Variants in RAP1GDS1 observed in about 807,000 individuals in gnomAD.
The protein encoded by RAP1GDS1 is Rap1 GTPase-GDP dissociation stimulator 1.
In RAP1GDS1, 35 loss-of-function variants were observed where a neutral mutation model predicts 71.1. That is an observed-to-expected ratio of 0.49 (90% CI 0.38 to 0.65). The LOEUF is 0.65. RAP1GDS1 is among the 30% of genes least tolerant of loss of function. The pLI is 0.00. For missense variants in RAP1GDS1, 663 were observed against 706.1 expected (o/e 0.94, Z 0.69); for synonymous variants, 229 against 243.1 (o/e 0.94, Z 0.54).
In RAP1GDS1 at chr4:98,293,453, A is replaced by G; in HGVS notation, c.50A>G (p.Asp17Gly). Residue 17 changes from aspartate (D) to glycine (G), a missense_variant, in exon 2 of 15, where the codon GAC (aspartate) becomes GGC (glycine). By Grantham distance (94) the Asp-to-Gly change is moderately conservative. Transcript: ENST00000408927. ...TLKKLKITAV[D>G]KTEDSLEGCL... The stretch of plus-strand genomic sequence containing the variant: ...AAGAAGCTGAAGATAACAGCTGTTG[A>G]CAAGACTGAGGATAGTTTAGAAGGA... The G allele has an allele frequency of 1.9e-6, 3 of 1,609,906 alleles. No homozygotes were observed. Among genetic ancestry groups the G allele is most frequent in the South Asian group, 1.1e-5 (1 of 89,706 alleles).
At chr4:98,278,533 A>G (rs889810422) in intron 1 of RAP1GDS1, among the ~76,000 whole-genome samples, 1 of 152,216 alleles carries the variant, frequency 6.6e-6, no homozygotes, top group Non-Finnish European at 1.5e-5. Flanking sequence ...GTCACTAATC[A>G]TGGTTAAACT....
At chr4:98,321,261 T>C (rs1731833511) in intron 2 of RAP1GDS1, among the ~76,000 whole-genome samples, 1 of 147,134 alleles carries the variant, frequency 6.8e-6, no homozygotes, top group African/African-American at 2.5e-5. Flanking sequence ...CCAAGAAATA[T>C]GGGACTATGT....
At chr4:98,317,549 G>A (rs1006852528) in intron 2 of RAP1GDS1, among the ~76,000 whole-genome samples, 5 of 152,104 alleles carry the variant, frequency 3.3e-5, no homozygotes, top group African/African-American at 1.2e-4. Context: ...AGTGAAGCAC[G>A]AGAACTAAAT....
intron 2 of RAP1GDS1, 31 bp from the exon 3 acceptor site, chr4:98,343,108 C>A: frequency 1.9e-6 from 3 of 1,566,850 alleles, no homozygotes; most frequent in South Asian, 1.2e-5. Flanking sequence ...TAAAGATTTT[C>A]ACTGAAGCTC....
chr4:98,392,568 G>T (rs138610590), intron 6 of RAP1GDS1, among the ~76,000 whole-genome samples: 18 of 152,272 alleles, frequency 1.2e-4, no homozygotes, highest in African/African-American at 3.6e-4. Context: ...GGGTGTGGTG[G>T]CTAGTGCCAG....
At chr4:98,399,108 A>G (rs894645442) in intron 6 of RAP1GDS1, among the ~76,000 whole-genome samples, 7 of 152,220 alleles carry the variant, frequency 4.6e-5, no homozygotes, top group Non-Finnish European at 8.8e-5. Context: ...GTAAAACCCA[A>G]ACTATAAAAC....
Position 98,343,264 on chromosome 4 carries a change from G to T in RAP1GDS1, c.235+3G>T. On this transcript the variant is annotated splice_donor_region_variant and intron_variant, in intron 3 of 14. Transcript: ENST00000408927. ...CATAGCAGAAGTAGCCAAAAATGGT[G>T]AGGTTTACCTCAAGAACTTTTCTGC... 6.3e-7 allele frequency: 1 copy of T among 1,599,090 alleles called. No homozygotes were observed. The highest frequency in any genetic ancestry group is 1.1e-5 in the South Asian group (1 of 90,734).
intron 6 of RAP1GDS1, among the ~76,000 whole-genome samples, chr4:98,394,433 G>T (rs918621862): frequency 2.6e-5 from 4 of 152,088 alleles, no homozygotes; most frequent in African/African-American, 9.7e-5. Flanking sequence ...GGAGTTACAG[G>T]AGTCTTTTTT....
intron 7 of RAP1GDS1, among the ~76,000 whole-genome samples, chr4:98,406,708 A>G (rs1387082011): frequency 6.6e-6 from 1 of 152,018 alleles, no homozygotes; most frequent in East Asian, 1.9e-4. Flanking sequence ...AGCTCTTTCA[A>G]GTACATATGA....
At chr4:98,387,763 T>G (rs1742984723) in intron 5 of RAP1GDS1, among the ~76,000 whole-genome samples, 1 of 152,174 alleles carries the variant, frequency 6.6e-6, no homozygotes, top group African/African-American at 2.4e-5. Flanking sequence ...CACACATAAG[T>G]GTTTGCTATG....
chr4:98,315,024 T>C (rs543053638), intron 2 of RAP1GDS1, among the ~76,000 whole-genome samples: 21 of 152,336 alleles, frequency 1.4e-4, no homozygotes, highest in African/African-American at 4.6e-4. Context: ...AGAAATGTAG[T>C]GTCTGTAGTT....
In RAP1GDS1 at chr4:98,261,542, G is replaced by T. The variant is rs1044075858; in HGVS notation, c.-24G>T. On this transcript the variant is annotated 5_prime_UTR_variant, in exon 1 of 15. Coordinates refer to ENST00000408927, the MANE Select transcript of RAP1GDS1 (RefSeq NM_001100427.2). ...CCACAGACCTTCGCCTCGCCCCGCC[G>T]GTTCCTCACCCTCGGGGAGCAACAT... The T allele has an allele frequency of 3.8e-6, 6 of 1,597,494 alleles. No individual in the cohort carries two copies. Among genetic ancestry groups the T allele is most frequent in the Admixed American group, 1.7e-5 (1 of 58,262 alleles).
intron 1 of RAP1GDS1, among the ~76,000 whole-genome samples, chr4:98,276,566 GTCTT>G (rs562509959): frequency 6.9e-4 from 102 of 147,510 alleles, no homozygotes; most frequent in Non-Finnish European, 1.3e-3. Flanking sequence ...CTTAAAGTAT[GTCTT>G]TCTTTTTGTC....
chr4:98,312,100 C>T (rs1347438433), intron 2 of RAP1GDS1, among the ~76,000 whole-genome samples: 1 of 152,156 alleles, frequency 6.6e-6, no homozygotes, highest in African/African-American at 2.4e-5. Flanking sequence ...AGTTGGGGAA[C>T]AAGGCTTATG....
intron 5 of RAP1GDS1, among the ~76,000 whole-genome samples, chr4:98,384,925 A>C (rs1159282908): frequency 1.3e-5 from 2 of 151,728 alleles, no homozygotes; most frequent in Admixed American, 6.6e-5. Flanking sequence ...TCATAATACC[A>C]CATAGATGCC....
chr4:98,288,210 T>C (rs1379912867), intron 1 of RAP1GDS1, among the ~76,000 whole-genome samples: 2 of 152,068 alleles, frequency 1.3e-5, no homozygotes, highest in Non-Finnish European at 2.9e-5. Context: ...GGCCCCAGTG[T>C]GTGATGTTCC....
intron 2 of RAP1GDS1, among the ~76,000 whole-genome samples, chr4:98,331,652 G>C (rs1368475651): frequency 1.3e-5 from 2 of 152,020 alleles, no homozygotes; most frequent in African/African-American, 4.8e-5. Context: ...CCTACCATTT[G>C]ACAATGTTTC....
At chr4:98,369,459 C>T (rs2110463000) in intron 4 of RAP1GDS1, among the ~76,000 whole-genome samples, 1 of 152,224 alleles carries the variant, frequency 6.6e-6, no homozygotes, top group East Asian at 1.9e-4. Flanking sequence ...CTAGAAACAA[C>T]CCAATGTCAA....
intron 6 of RAP1GDS1, chr4:98,396,821 C>G (rs959687560): frequency 6.6e-6 from 1 of 152,130 alleles, no homozygotes; most frequent in Admixed American, 6.5e-5. Context: ...GTTTAAAATT[C>G]ATGTCACATA....
Sources: allele counts gnomAD v4.1 joint callset (sites outside exome capture counted in the v4.1 genomes callset), GRCh38; gene constraint gnomAD v4.1.1; transcripts MANE v1.5; gene names NCBI Gene and HGNC (gene_info 2026-07-23, HGNC 2026-07-21).